TENM2: variants seen among roughly 807,000 people sequenced by gnomAD.
TENM2 encodes the protein teneurin transmembrane protein 2, also known as teneurin-2.
Under a neutral mutation model 245.2 loss-of-function variants are expected in TENM2, and 52 were observed. The observed-to-expected ratio is 0.21, with a 90% CI of 0.17 to 0.27. The LOEUF (loss-of-function observed/expected upper bound fraction) is 0.27, where lower values mean the gene tolerates loss of function less well. Among genes scored for constraint, TENM2 ranks in the 10% least tolerant of loss-of-function variants. The probability of loss-of-function intolerance (pLI) is 1.00; values close to 1 mark genes in which losing one functional copy is unlikely to be tolerated. For missense variants in TENM2, 3,046 were observed against 3,666.8 expected (o/e 0.83, Z 4.37); for synonymous variants, 1,363 against 1,438.9 (o/e 0.95, Z 1.19).
intron 2 of TENM2, among the ~76,000 whole-genome samples, chr5:167,603,243 A>T (rs949623317): frequency 6.6e-6 from 1 of 152,208 alleles, no homozygotes; most frequent in African/African-American, 2.4e-5. Flanking sequence ...GTGAGATTTC[A>T]TTGGTGAAAC....
At chr5:167,481,010 A>G (rs116273975) in intron 2 of TENM2, among the ~76,000 whole-genome samples, 1 of 152,306 alleles carries the variant, frequency 6.6e-6, no homozygotes, top group Non-Finnish European at 1.5e-5. Flanking sequence ...CGGAACCCTT[A>G]ATTTCTTTCC....
chr5:167,041,911 G>C, the TENM2 span, among the ~76,000 whole-genome samples: 2 of 152,126 alleles, frequency 1.3e-5, no homozygotes, highest in African/African-American at 4.8e-5. Flanking sequence ...CCCCTTATGT[G>C]TGTGTGAGCT....
At chr5:167,865,134 T>G (rs948871923) in intron 2 of TENM2, among the ~76,000 whole-genome samples, 2 of 152,158 alleles carry the variant, frequency 1.3e-5, no homozygotes. Flanking sequence ...GACAGACAAC[T>G]CAGTAAGTGA....
At chr5:167,654,734 A>G (rs1274522894) in intron 2 of TENM2, among the ~76,000 whole-genome samples, 1 of 152,124 alleles carries the variant, frequency 6.6e-6, no homozygotes, top group East Asian at 1.9e-4. Flanking sequence ...CTGCTAAGCA[A>G]TGCATCCAGA....
At position 168,260,541 on chromosome 5, in the gene TENM2, A is replaced by G. The variant is rs796706138; in HGVS notation, c.7563+128A>G. The G allele has an allele frequency of 2.3e-5, 24 of 1,043,188 alleles. No homozygotes were observed. In the African/African-American group the frequency reaches 3.8e-4, roughly 17 times the overall value. The allele number at this position is 1,043,188 out of a possible 1,614,324, so 64.6% of individuals were successfully genotyped here. On this transcript the variant is annotated intron_variant, in intron 28 of 28. Transcript: ENST00000518659. ...GAGCTGGGTATAAAAGGTGCAGGAC[A>G]CATTGAGACTTCCCAGGAAAGCGAA...
chr5:167,491,427 T>G (rs1259285513), intron 2 of TENM2, among the ~76,000 whole-genome samples: 1 of 152,134 alleles, frequency 6.6e-6, no homozygotes, highest in Non-Finnish European at 1.5e-5. Context: ...GATCATTCTT[T>G]CCATCTGTAA....
At chr5:167,226,682 T>G in the TENM2 span, among the ~76,000 whole-genome samples, 1 of 152,076 alleles carries the variant, frequency 6.6e-6, no homozygotes, top group African/African-American at 2.4e-5. Context: ...GTTCTATAAA[T>G]GTCTGTTAGG....
intron 2 of TENM2, among the ~76,000 whole-genome samples, chr5:167,463,313 A>C (rs1388684280): frequency 6.6e-6 from 1 of 152,088 alleles, no homozygotes; most frequent in East Asian, 1.9e-4. Context: ...CAGAATTCCA[A>C]CCCAAGGTTA....
rs1774850355 is a variant in TENM2 at position 167,892,608 on chromosome 5, G to C, written c.712+16413G>C. 2.0e-5 allele frequency among the ~76,000 whole-genome samples: 3 copies of C among 152,146 alleles called. No homozygotes were observed. The East Asian group carries it at 5.8e-4, about 29-fold the overall frequency. On this transcript the variant is annotated intron_variant, in intron 3 of 28. Transcript: ENST00000518659. Reference sequence around the variant, plus strand: ...TGTTTCCATTTTCAAAACCACATAAGTTTCAGAGGTCAAGCTTAGCAAAGC... The same window carrying C: ...TGTTTCCATTTTCAAAACCACATAACTTTCAGAGGTCAAGCTTAGCAAAGC...
the TENM2 span, among the ~76,000 whole-genome samples, chr5:167,246,117 C>T: frequency 5.9e-5 from 9 of 152,288 alleles, no homozygotes; most frequent in Admixed American, 4.6e-4. Flanking sequence ...GTGCCTTTCT[C>T]ATCTGGGGAT....
At chr5:167,284,649 G>A (rs1435576849), upstream of TENM2, 7 of 592,906 alleles carry the variant, frequency 1.2e-5, no homozygotes, top group Admixed American at 1.8e-4. Flanking sequence ...AAGAGATTGT[G>A]CAGGGCTGAC....
At chr5:167,558,936 A>G (rs906420655) in intron 2 of TENM2, among the ~76,000 whole-genome samples, 1 of 152,088 alleles carries the variant, frequency 6.6e-6, no homozygotes, top group African/African-American at 2.4e-5. Context: ...AGTAAAAATC[A>G]TCAAGGTATA....
the TENM2 span, among the ~76,000 whole-genome samples, chr5:167,188,336 A>G: frequency 3.3e-5 from 5 of 152,250 alleles, no homozygotes; most frequent in South Asian, 1.0e-3. Flanking sequence ...GGGCTGCATG[A>G]CTTTTCCAGC....
At chr5:167,280,779 T>TATC (rs1771004972), upstream of TENM2, among the ~76,000 whole-genome samples, 1 of 151,634 alleles carries the variant, frequency 6.6e-6, no homozygotes, top group Non-Finnish European at 1.5e-5. Flanking sequence ...TCTATCTATC[T>TATC]ATCTATCTAT....
chr5:168,022,175 G>A (rs1394632693), intron 5 of TENM2, among the ~76,000 whole-genome samples: 1 of 152,228 alleles, frequency 6.6e-6, no homozygotes, highest in Admixed American at 6.5e-5. Context: ...CACCATGCAT[G>A]AGCAGGCACC....
At chr5:168,253,282 C>T (rs983982347) in intron 27 of TENM2, among the ~76,000 whole-genome samples, 1 of 150,486 alleles carries the variant, frequency 6.6e-6, no homozygotes, top group Non-Finnish European at 1.5e-5. Context: ...ACAATTTCTT[C>T]ATCAGCAAAA....
chr5:167,373,999 C>A (rs1031382028), intron 1 of TENM2, among the ~76,000 whole-genome samples: 1 of 152,142 alleles, frequency 6.6e-6, no homozygotes. Flanking sequence ...ATTCACTTTC[C>A]GTAAGTGAGG....
intron 2 of TENM2, among the ~76,000 whole-genome samples, chr5:167,759,420 A>G (rs1470249775): frequency 6.6e-6 from 1 of 152,146 alleles, no homozygotes; most frequent in Non-Finnish European, 1.5e-5. Context: ...GGAAACATTT[A>G]TCAGGACTCT....
intron 2 of TENM2, among the ~76,000 whole-genome samples, chr5:167,497,755 A>G (rs1278591162): frequency 2.6e-5 from 4 of 151,970 alleles, no homozygotes; most frequent in Admixed American, 2.6e-4. Flanking sequence ...TCCTTAATTA[A>G]TATTTATTGG....
Sources: gnomAD v4.1 joint callset for allele counts (sites outside exome capture counted in the v4.1 genomes callset) on GRCh38, gnomAD v4.1.1 for gene constraint, MANE v1.5 for transcripts, NCBI Gene and HGNC (gene_info 2026-07-23, HGNC 2026-07-21) for gene names.